The following DHRS7 variants were observed in gnomAD, a reference collection of about 807,000 sequenced individuals.
DHRS7 encodes dehydrogenase/reductase SDR family member 7.
In DHRS7, 34 loss-of-function variants were observed where a neutral mutation model predicts 38.9. The ratio of observed to expected loss-of-function variants is 0.87; its 90% CI spans 0.66 to 1.16. The LOEUF (loss-of-function observed/expected upper bound fraction) is 1.16, where lower values mean the gene tolerates loss of function less well. DHRS7 is among the 50% of genes most tolerant of loss of function. DHRS7 has a pLI of 0.00. For synonymous variants in DHRS7, 158 were observed against 153.1 expected, an observed-to-expected ratio of 1.03 and a Z score of -0.24; for missense variants, 421 against 407.0, an observed-to-expected ratio of 1.03 and a Z score of -0.30.
In DHRS7 at chr14:60,152,946, G is replaced by A. The variant is rs1170409893; in HGVS notation, c.626C>T (p.Ala209Val). The change falls in exon 4 of 7, where the codon GCT becomes GTT. Residue 209 changes from alanine to valine, a missense_variant. Ala to Val is a moderately conservative substitution (Grantham distance 64). Transcript: ENST00000557185. The part of the protein sequence containing the change: ...LSIGYCASKH[A>V]LRGFFNGLRT... ...GAGTTTGAGCAGCCTTACCCGGAGA[G>A]CATGCTTGCTAGCACAGTATCCAAT... The A allele has an allele frequency of 3.1e-6, 5 of 1,614,046 alleles. No individual in the cohort carries two copies. The highest frequency in any genetic ancestry group is 4.5e-5 in the East Asian group (2 of 44,882).
chr14:60,149,545 C>A lies in DHRS7; in HGVS notation c.780G>T (p.Gln260His). The change falls in exon 6 of 7, where the codon CAG (glutamine) becomes CAT (histidine). Residue 260 changes from glutamine to histidine, a missense_variant. Physicochemically the swap from Gln to His is conservative, Grantham distance 24 (BLOSUM62 0). Transcript: ENST00000557185. ...VTKTIGNNGDQSHKMTTSRCV... is the reference protein window; with the variant it reads ...VTKTIGNNGDHSHKMTTSRCV... Reference sequence around the variant, plus strand: ...AACGACTGGTTGTCATCTTGTGGGACTGGTCTCCATTATTGCCTATAGTCT... The same window carrying A: ...AACGACTGGTTGTCATCTTGTGGGAATGGTCTCCATTATTGCCTATAGTCT... 1 of 1,613,016 alleles carries A rather than the reference C, an allele frequency of 6.2e-7. No homozygotes were observed. Among genetic ancestry groups the A allele is most frequent in the Non-Finnish European group, 8.5e-7 (1 of 1,179,326 alleles).
At position 60,149,438 on chromosome 14, in the gene DHRS7, T is replaced by C. The variant is rs1896486338; in HGVS notation, c.887A>G (p.Tyr296Cys). 1 of 1,614,222 alleles carries C rather than the reference T, an allele frequency of 6.2e-7. No individual in the cohort carries two copies. Residue 296 changes from tyrosine (Y) to cysteine (C), a missense_variant, in exon 6 of 7, where the codon TAT (tyrosine) becomes TGT (cysteine). Tyr to Cys is a radical substitution (Grantham distance 194). Transcript: ENST00000557185. ...ISEQPFLLVT[Y>C]LWQYMPTWAW... is the part of the protein sequence containing the mutation. ...CCAGGTTGGCATGTATTGCCACAAATATGTTACTAACAAGAAAGGTTGTTC... is the reference window on the plus strand; with the variant it reads ...CCAGGTTGGCATGTATTGCCACAAACATGTTACTAACAAGAAAGGTTGTTC...
Position 60,162,506 on chromosome 14 carries a change from G to A in DHRS7, c.133+2671C>T, listed in dbSNP as rs1315450248. ...AGCACACTAGGTAGCTAGGGCACAA[G>A]GGTCAGAGAAAGCTCTTTACTTTTT... On this transcript the variant is annotated intron_variant, in intron 1 of 6. Transcript: ENST00000557185. This position sits in a 1 kb window ranked among gnomAD's most constrained non-coding sequence, Gnocchi z 4.5. Among the ~76,000 whole-genome samples the A allele has an allele frequency of 6.6e-6, 1 of 152,180 alleles. No homozygotes were observed. Among genetic ancestry groups the A allele is most frequent in the South Asian group, 2.1e-4 (1 of 4,830 alleles).
rs939903383 is a variant in DHRS7 at position 60,161,613 on chromosome 14, C to A, written c.133+3564G>T. Among the ~76,000 whole-genome samples, 1 of 152,214 alleles carries A rather than the reference C, an allele frequency of 6.6e-6. No homozygotes were observed. The highest frequency in any genetic ancestry group is 2.4e-5 in the African/African-American group (1 of 41,448). On this transcript the variant is annotated intron_variant, in intron 1 of 6. Transcript: ENST00000557185. This position sits in a 1 kb window ranked among gnomAD's most constrained non-coding sequence, Gnocchi z 4.2. ...TCAGGTTTCCTCACTCTTCTGCTCA[C>A]ACCCACCTGCACCAATTCTAGTTGG...
At position 60,144,699 on chromosome 14, in the gene DHRS7, GTTAAC is replaced by G. The variant is rs1431194482; in HGVS notation, c.*262_*266del. The stretch of plus-strand genomic sequence containing the variant: ...AGCACAAATGGACTAAGACAAATCT[GTTAAC>G]TTAGATTTTAAGCATATGTGCTAAA... On this transcript the variant is annotated 3_prime_UTR_variant, in exon 7 of 7. Transcript: ENST00000557185. 5.9e-6 allele frequency: 2 copies of G among 336,650 alleles called. No individual in the cohort carries two copies. The highest frequency in any genetic ancestry group is 1.1e-5 in the Non-Finnish European group (2 of 187,860). The allele number at this position is 336,650 out of a possible 1,614,324, so 20.9% of individuals were successfully genotyped here. A position where few individuals can be genotyped will look rare whatever the true frequency, so the allele number is the denominator to read the frequency against.
At chr14:60,164,992 C>CT (rs1355443735) in intron 1 of DHRS7, among the ~76,000 whole-genome samples, 185 bp downstream of exon 1, 2 of 152,222 alleles carry the variant, frequency 1.3e-5, no homozygotes, top group Non-Finnish European at 2.9e-5. Flanking sequence ...GACAAAGGGG[C>CT]TTTTTAGCCC....
chr14:60,153,911 C>G lies in DHRS7; in HGVS notation c.393+48G>C, dbSNP rs1595195026. Reference sequence around the variant, plus strand: ...ACAGCACCACGGATGGGAATCTCTTCTGCAGTTACTTCAAAGCAAGACTAT... The same window carrying G: ...ACAGCACCACGGATGGGAATCTCTTGTGCAGTTACTTCAAAGCAAGACTAT... On this transcript the variant is annotated intron_variant, in intron 3 of 6. Transcript: ENST00000557185. This position sits in a 1 kb window ranked among gnomAD's most constrained non-coding sequence, Gnocchi z 4.4. 1 of 1,532,408 alleles carries G rather than the reference C, an allele frequency of 6.5e-7. No homozygotes were observed. The highest frequency in any genetic ancestry group is 2.2e-5 in the East Asian group (1 of 44,456). 94.9% of individuals were successfully genotyped at this position (1,532,408 alleles called of 1,614,324 possible).
Position 60,144,997 on chromosome 14 carries a change from TAAG to T in DHRS7, c.986_988del (p.Ser329del), listed in dbSNP as rs1257064141. The T allele has an allele frequency of 3.7e-6, 6 of 1,601,420 alleles. No individual in the cohort carries two copies. The highest frequency in any genetic ancestry group is 5.1e-6 in the Non-Finnish European group (6 of 1,176,636). ...ATGTTTTGTCTTAAAGATTTTAAAA[TAAG>T]AAGAGTCTGCATCCTGTAAAAGAGG... On this transcript the variant is annotated inframe_deletion, in exon 7 of 7. Coordinates refer to ENST00000557185, the MANE Select transcript of DHRS7 (RefSeq NM_016029.4).
rs1390438093 is a variant in DHRS7 at position 60,162,440 on chromosome 14, C to T, written c.133+2737G>A. On this transcript the variant is annotated intron_variant, in intron 1 of 6. Transcript: ENST00000557185. The surrounding 1 kb of genome is among the most constrained non-coding windows in gnomAD (Gnocchi z 4.5). ...TGGAAATGCACAGAATTTCTCTAGA[C>T]GGATACAGAGGAGGCAGGAAATGGT... Among the ~76,000 whole-genome samples the T allele has an allele frequency of 4.0e-5, 6 of 151,750 alleles. No individual in the cohort carries two copies. The highest frequency in any genetic ancestry group is 3.9e-4 in the East Asian group (2 of 5,190).
chr14:60,156,916 A>C (rs1896670930), intron 1 of DHRS7, among the ~76,000 whole-genome samples: 1 of 152,254 alleles, frequency 6.6e-6, no homozygotes, highest in South Asian at 2.1e-4. Flanking sequence ...AAGCAATGAC[A>C]AATGGTTTAT....
chr14:60,165,321 A>C lies in DHRS7; in HGVS notation c.-12T>G, dbSNP rs747311040. 2 of 1,571,416 alleles carry C rather than the reference A, an allele frequency of 1.3e-6. No homozygotes were observed. Among genetic ancestry groups the C allele is most frequent in the East Asian group, 2.3e-5 (1 of 43,070 alleles). ...AGCTCCCAGTTCATTGCGGCCGCGC[A>C]CGCCCAGCTCGGGGGGAAGAAGACG... On this transcript the variant is annotated 5_prime_UTR_variant, in exon 1 of 7. Transcript: ENST00000557185. The surrounding 1 kb of genome is among the most constrained non-coding windows in gnomAD (Gnocchi z 4.6).
At chr14:60,166,403 C>T (rs1291842134), upstream of DHRS7, 2 of 284,296 alleles carry the variant, frequency 7.0e-6, no homozygotes, top group African/African-American at 4.6e-5. Context: ...TCCTAGAGTA[C>T]TTTGTGTGCT....
At chr14:60,163,893 A>G (rs1057198685) in intron 1 of DHRS7, among the ~76,000 whole-genome samples, 8 of 152,228 alleles carry the variant, frequency 5.3e-5, no homozygotes, top group African/African-American at 1.9e-4. Flanking sequence ...GCCAATAGGC[A>G]CACATATTCC....
Position 60,162,654 on chromosome 14 carries a change from A to G in DHRS7, c.133+2523T>C, listed in dbSNP as rs915150236. On this transcript the variant is annotated intron_variant, in intron 1 of 6. Transcript: ENST00000557185. The surrounding 1 kb of genome is among the most constrained non-coding windows in gnomAD (Gnocchi z 4.5). Reference sequence around the variant, plus strand: ...TTTTTTTTTCTTTTTTCATCTTGATAGAGTCTGCCCATCTCTCCAGTCTGA... The same window carrying G: ...TTTTTTTTTCTTTTTTCATCTTGATGGAGTCTGCCCATCTCTCCAGTCTGA... Among the ~76,000 whole-genome samples the G allele has an allele frequency of 2.6e-5, 4 of 152,146 alleles. No individual in the cohort carries two copies. Among genetic ancestry groups the G allele is most frequent in the African/African-American group, 9.6e-5 (4 of 41,510 alleles).
At chr14:60,151,833 A>T (rs187226662) in intron 4 of DHRS7, among the ~76,000 whole-genome samples, 1 of 152,322 alleles carries the variant, frequency 6.6e-6, no homozygotes, top group East Asian at 1.9e-4. Context: ...TAATAAAATA[A>T]TGAGTCTTGG....
rs1896344704 is a variant in DHRS7, at chr14:60,144,308, A to G, written c.*658T>C. The G allele has an allele frequency of 6.6e-6, 1 of 152,350 alleles. No individual in the cohort carries two copies. Among genetic ancestry groups the G allele is most frequent in the Non-Finnish European group, 1.5e-5 (1 of 68,168 alleles). 9.4% of individuals were successfully genotyped at this position (152,350 alleles called of 1,614,324 possible). A position where few individuals can be genotyped will look rare whatever the true frequency, so the allele number is the denominator to read the frequency against. On this transcript the variant is annotated 3_prime_UTR_variant, in exon 7 of 7. Coordinates refer to ENST00000557185, the MANE Select transcript of DHRS7 (RefSeq NM_016029.4). ...CACTCTGCTTTGTGTGAAATATTCTATACATTTATGTTGCTATGGTTTGGA... is the reference window on the plus strand; with the variant it reads ...CACTCTGCTTTGTGTGAAATATTCTGTACATTTATGTTGCTATGGTTTGGA...
At position 60,156,136 on chromosome 14, in the gene DHRS7, A is replaced by G. The variant is rs1412062428; in HGVS notation, c.150T>C (p.Asp50=). 2 of 1,594,250 alleles carry G rather than the reference A, an allele frequency of 1.3e-6. No individual in the cohort carries two copies. The highest frequency in any genetic ancestry group is 2.7e-5 in the African/African-American group (2 of 73,722). Residue 50 remains aspartate (D), a synonymous_variant, in exon 2 of 7, where the codon GAT becomes GAC. Coordinates refer to ENST00000557185, the MANE Select transcript of DHRS7 (RefSeq NM_016029.4). ...AGGCTCCAGTCACCCACACCACCATATCAGTCAGCTCCCATTCTATGGAAG... is the reference window on the plus strand; with the variant it reads ...AGGCTCCAGTCACCCACACCACCATGTCAGTCAGCTCCCATTCTATGGAAG... ...QGRRPEWELT[D]MVVWVTGASS... is the part of the protein sequence containing the mutation.
rs751302058 is a variant in DHRS7 at position 60,165,260 on chromosome 14, A to G, written c.50T>C (p.Leu17Pro). ...LWLLVLCALL[L>P]LLVQLLRFLR... is the part of the protein sequence containing the mutation. Reference sequence around the variant, plus strand: ...GAAGCGCAGCAGCTGCACCAAGAGCAGGAGCAGCGCGCACAGCACCAGCAG... The same window carrying G: ...GAAGCGCAGCAGCTGCACCAAGAGCGGGAGCAGCGCGCACAGCACCAGCAG... Residue 17 changes from leucine (L) to proline (P), a missense_variant, in exon 1 of 7, where the codon CTG becomes CCG. By Grantham distance (98) the Leu-to-Pro change is moderately conservative (BLOSUM62 -3). Transcript: ENST00000557185. This position sits in a 1 kb window ranked among gnomAD's most constrained non-coding sequence, Gnocchi z 4.6. 3.1e-5 allele frequency: 50 copies of G among 1,606,330 alleles called. No individual in the cohort carries two copies. Among genetic ancestry groups the G allele is most frequent in the Admixed American group, 1.8e-4 (11 of 59,500 alleles).
chr14:60,145,264 T>A lies in DHRS7; in HGVS notation c.973-251A>T. On this transcript the variant is annotated intron_variant, in intron 6 of 6. Transcript: ENST00000557185. This position sits in a 1 kb window ranked among gnomAD's most constrained non-coding sequence, Gnocchi z 4.0. ...AGGTATAAATAGCATTGGACTGCAA[T>A]GCTAAATTCTCTATAATGACTTTTC... is the stretch of plus-strand genomic sequence containing the variant. 3.2e-6 allele frequency: 1 copy of A among 311,172 alleles called. No individual in the cohort carries two copies. The highest frequency in any genetic ancestry group is 5.8e-6 in the Non-Finnish European group (1 of 173,264). 19.3% of individuals were successfully genotyped at this position (311,172 alleles called of 1,614,324 possible).
Sources: allele counts gnomAD v4.1 joint callset (sites outside exome capture counted in the v4.1 genomes callset), GRCh38; gene constraint gnomAD v4.1.1; non-coding constraint Gnocchi (gnomAD v3.1); transcripts MANE v1.5; gene names NCBI Gene and HGNC (gene_info 2026-07-23, HGNC 2026-07-21).